GRM6: variants seen among roughly 807,000 people sequenced by gnomAD.
GRM6 encodes metabotropic glutamate receptor 6.
A neutral mutation model predicts 78.4 loss-of-function variants in GRM6; 73 were observed. The ratio of observed to expected loss-of-function variants is 0.93; its 90% CI spans 0.77 to 1.13. The LOEUF is 1.13. Ranked by LOEUF, GRM6 falls within the 50% of genes most tolerant of loss-of-function variation. GRM6 has a pLI of 0.00. For missense variants in GRM6, 1,251 were observed against 1,256.4 expected (o/e 1.00, Z 0.07); for synonymous variants, 580 against 555.0 (o/e 1.05, Z -0.63).
rs1561722249 is a variant in GRM6, at chr5:178,994,835, C to A, written c.110G>T (p.Gly37Val). 2.4e-6 allele frequency: 3 copies of A among 1,229,756 alleles called. No homozygotes were observed. Among genetic ancestry groups the A allele is most frequent in the Non-Finnish European group, 3.0e-6 (3 of 986,750 alleles). The allele number at this position is 1,229,756 out of a possible 1,614,324, so 76.2% of individuals were successfully genotyped here. The change falls in exon 2 of 11, where the codon GGC (glycine) becomes GTC (valine). Residue 37 changes from glycine (G) to valine (V), a missense_variant. Physicochemically the swap from Gly to Val is moderately radical, Grantham distance 109. Coordinates refer to ENST00000517717, the MANE Select transcript of GRM6 (RefSeq NM_000843.4). Reference sequence around the variant, plus strand: ...GAACAGGCCGCCCAGCGTCAGGCCGCCCGCCAGGCGCACAGAGCCCGCCGC... The same window carrying A: ...GAACAGGCCGCCCAGCGTCAGGCCGACCGCCAGGCGCACAGAGCCCGCCGC... ...ARAAGSVRLA[G>V]GLTLGGLFPV...
At position 178,994,417 on chromosome 5, in the gene GRM6, C is replaced by T. The variant is rs959131928; in HGVS notation, c.504+24G>A. On this transcript the variant is annotated intron_variant, in intron 2 of 10. Coordinates refer to ENST00000517717, the MANE Select transcript of GRM6 (RefSeq NM_000843.4). ...AGGACGGGAGAGGGACGCTGGACAC[C>T]GAGCCCGGCCCCGCGGCCCTCACCG... 1.1e-5 allele frequency: 17 copies of T among 1,485,900 alleles called. No homozygotes were observed. The South Asian group carries it at 1.8e-4, about 15-fold the overall frequency. The allele number at this position is 1,485,900 out of a possible 1,614,324, so 92.0% of individuals were successfully genotyped here.
In GRM6 at chr5:178,991,301, TG is replaced by T. The variant is rs77690756; in HGVS notation, c.857+122del. On this transcript the variant is annotated intron_variant, in intron 4 of 10. Coordinates refer to ENST00000517717, the MANE Select transcript of GRM6 (RefSeq NM_000843.4). This position sits in a 1 kb window ranked among gnomAD's most constrained non-coding sequence, Gnocchi z 5.0. Reference sequence around the variant, plus strand: ...GACTCAGAGGCAGCAGCAGGGAAGGTGGGGGGTGCGGGGAGCAGGGGAAAGG... The same window carrying T: ...GACTCAGAGGCAGCAGCAGGGAAGGTGGGGGTGCGGGGAGCAGGGGAAAGG... 1.2e-5 allele frequency: 11 copies of T among 946,552 alleles called. No individual in the cohort carries two copies. The highest frequency in any genetic ancestry group is 2.6e-5 in the South Asian group (2 of 77,260). The allele number at this position is 946,552 out of a possible 1,614,324, so 58.6% of individuals were successfully genotyped here.
chr5:178,989,337 A>T lies in GRM6; in HGVS notation c.1081T>A (p.Trp361Arg). 6.2e-7 allele frequency: 1 copy of T among 1,613,374 alleles called. No homozygotes were observed. The highest frequency in any genetic ancestry group is 1.1e-5 in the South Asian group (1 of 91,056). The change falls in exon 6 of 11, where the codon TGG becomes AGG. Residue 361 changes from tryptophan to arginine, a missense_variant. Coordinates refer to ENST00000517717, the MANE Select transcript of GRM6 (RefSeq NM_000843.4). ...NRRNIWFAEF[W>R]EENFNCKLTS... is the part of the protein sequence containing the mutation. ...AGTTTGCAGTTAAAATTCTCTTCCCAGAACTCGGCGAACCAGATGTTCCTG... is the reference window on the plus strand; with the variant it reads ...AGTTTGCAGTTAAAATTCTCTTCCCTGAACTCGGCGAACCAGATGTTCCTG...
In GRM6 at chr5:178,992,224, G is replaced by C; in HGVS notation, c.505-141C>G. Reference sequence around the variant, plus strand: ...GACACAGATGGGAGATGGAAGGGTTGGGGTGGGGACCTGGGGCCAGCTGGA... The same window carrying C: ...GACACAGATGGGAGATGGAAGGGTTCGGGTGGGGACCTGGGGCCAGCTGGA... On this transcript the variant is annotated intron_variant, in intron 2 of 10. Coordinates refer to ENST00000517717, the MANE Select transcript of GRM6 (RefSeq NM_000843.4). The surrounding 1 kb of genome is among the most constrained non-coding windows in gnomAD (Gnocchi z 4.9). 1.4e-6 allele frequency: 1 copy of C among 717,040 alleles called. No individual in the cohort carries two copies. Among genetic ancestry groups the C allele is most frequent in the Non-Finnish European group, 2.5e-6 (1 of 400,448 alleles). The allele number at this position is 717,040 out of a possible 1,614,324, so 44.4% of individuals were successfully genotyped here. A position where few individuals can be genotyped will look rare whatever the true frequency, so the allele number is the denominator to read the frequency against.
chr5:178,992,119 A>G lies in GRM6; in HGVS notation c.505-36T>C. On this transcript the variant is annotated intron_variant, in intron 2 of 10. Transcript: ENST00000517717. The surrounding 1 kb of genome is among the most constrained non-coding windows in gnomAD (Gnocchi z 4.9). ...GGAAGGACAGCTGGGCTGTGGATGG[A>G]GGTCAGTAACTCAAGAGAGGGAGGG... The G allele has an allele frequency of 1.4e-6, 2 of 1,478,672 alleles. No individual in the cohort carries two copies. The highest frequency in any genetic ancestry group is 1.1e-5 in the South Asian group (1 of 87,958). 91.6% of individuals were successfully genotyped at this position (1,478,672 alleles called of 1,614,324 possible). A position where few individuals can be genotyped will look rare whatever the true frequency, so the allele number is the denominator to read the frequency against.
intron 1 of GRM6, 103 bp from the exon 2 acceptor site, chr5:178,995,063 C>G: frequency 1.7e-6 from 1 of 573,936 alleles, no homozygotes; most frequent in Non-Finnish European, 2.3e-6. Context: ...AGAAGGCGCT[C>G]GGGGCGCGCC....
chr5:178,987,225 G>A (rs1404248702), intron 7 of GRM6: 2 of 659,894 alleles, frequency 3.0e-6, no homozygotes, highest in Non-Finnish European at 2.8e-6. Flanking sequence ...TGCACGGTGG[G>A]TGGGAAAAGG....
chr5:178,989,082 A>G lies in GRM6; in HGVS notation c.1207T>C (p.Phe403Leu), dbSNP rs1214316029. The G allele has an allele frequency of 4.3e-6, 7 of 1,613,954 alleles. No homozygotes were observed. Residue 403 changes from phenylalanine (F) to leucine (L), a missense_variant, in exon 7 of 11, where the codon TTT (phenylalanine) becomes CTT (leucine). Coordinates refer to ENST00000517717, the MANE Select transcript of GRM6 (RefSeq NM_000843.4). The part of the protein sequence containing the change: ...STYEQEGKVQ[F>L]VIDAVYAIAH... ...ATGGCGTACACCGCATCAATCACAAACTGCACCTTGCCCTCCTGCTCGTAG... is the reference window on the plus strand; with the variant it reads ...ATGGCGTACACCGCATCAATCACAAGCTGCACCTTGCCCTCCTGCTCGTAG...
chr5:178,991,529 A>C lies in GRM6; in HGVS notation c.752T>G (p.Ile251Ser). 1 of 1,613,774 alleles carries C rather than the reference A, an allele frequency of 6.2e-7. No individual in the cohort carries two copies. The highest frequency in any genetic ancestry group is 8.5e-7 in the Non-Finnish European group (1 of 1,179,872). ...GGVCIAQSIK[I>S]PREPKPGEFS... Reference sequence around the variant, plus strand: ...CTCTCCTGGCTTTGGTTCCCTGGGAATCTTGATAGACTGGGCAATACAGAC... The same window carrying C: ...CTCTCCTGGCTTTGGTTCCCTGGGACTCTTGATAGACTGGGCAATACAGAC... The change falls in exon 4 of 11, where the codon ATT (isoleucine) becomes AGT (serine). Residue 251 changes from isoleucine (I) to serine (S), a missense_variant. By Grantham distance (142) the Ile-to-Ser change is moderately radical (BLOSUM62 -2). Coordinates refer to ENST00000517717, the MANE Select transcript of GRM6 (RefSeq NM_000843.4). The surrounding 1 kb of genome is among the most constrained non-coding windows in gnomAD (Gnocchi z 5.0).
At position 178,992,190 on chromosome 5, in the gene GRM6, T is replaced by G. The variant is rs751500787; in HGVS notation, c.505-107A>C. 1 of 773,462 alleles carries G rather than the reference T, an allele frequency of 1.3e-6. No homozygotes were observed. Among genetic ancestry groups the G allele is most frequent in the Non-Finnish European group, 2.2e-6 (1 of 450,634 alleles). The allele number at this position is 773,462 out of a possible 1,614,324, so 47.9% of individuals were successfully genotyped here. On this transcript the variant is annotated intron_variant, in intron 2 of 10. Coordinates refer to ENST00000517717, the MANE Select transcript of GRM6 (RefSeq NM_000843.4). The surrounding 1 kb of genome is among the most constrained non-coding windows in gnomAD (Gnocchi z 4.9). Reference sequence around the variant, plus strand: ...GACGGGGCACAGAAGGTGTGTGGCATGGACCTGGGACACAGATGGGAGATG... The same window carrying G: ...GACGGGGCACAGAAGGTGTGTGGCAGGGACCTGGGACACAGATGGGAGATG...
chr5:178,985,626 C>A (rs551412701), intron 9 of GRM6: 107 of 369,242 alleles, frequency 2.9e-4, no homozygotes, highest in African/African-American at 2.2e-3. Context: ...TGGCGTGAAC[C>A]CGGAAGGCAG....
chr5:178,991,378 C>A lies in GRM6; in HGVS notation c.857+46G>T. 6.3e-7 allele frequency: 1 copy of A among 1,584,664 alleles called. No individual in the cohort carries two copies. The highest frequency in any genetic ancestry group is 2.2e-5 in the East Asian group (1 of 44,698). ...CGATGTGCAAGAGGAGGGGTGGGACCCTCAGGGAGAGCCCCAGGGGCCCGG... is the reference window on the plus strand; with the variant it reads ...CGATGTGCAAGAGGAGGGGTGGGACACTCAGGGAGAGCCCCAGGGGCCCGG... On this transcript the variant is annotated intron_variant, in intron 4 of 10. Transcript: ENST00000517717. The surrounding 1 kb of genome is among the most constrained non-coding windows in gnomAD (Gnocchi z 5.0).
rs774508683 is a variant in GRM6, at chr5:178,988,726, C to T, written c.1354+209G>A. Among the ~76,000 whole-genome samples the T allele has an allele frequency of 2.0e-5, 3 of 152,190 alleles. No homozygotes were observed. The highest frequency in any genetic ancestry group is 7.2e-5 in the African/African-American group (3 of 41,438). On this transcript the variant is annotated intron_variant, in intron 7 of 10. Transcript: ENST00000517717. This position sits in a 1 kb window ranked among gnomAD's most constrained non-coding sequence, Gnocchi z 6.0. Reference sequence around the variant, plus strand: ...CCAGCATCTGAACTGTGCAAACCAGCGCAGGGAACACTGAAGCCTGGGGAG... The same window carrying T: ...CCAGCATCTGAACTGTGCAAACCAGTGCAGGGAACACTGAAGCCTGGGGAG...
At position 178,991,299 on chromosome 5, in the gene GRM6, G is replaced by A; in HGVS notation, c.857+125C>T. 2 of 931,038 alleles carry A rather than the reference G, an allele frequency of 2.1e-6. No homozygotes were observed. The highest frequency in any genetic ancestry group is 3.0e-4 in the Middle Eastern group (1 of 3,300). 57.7% of individuals were successfully genotyped at this position (931,038 alleles called of 1,614,324 possible). On this transcript the variant is annotated intron_variant, in intron 4 of 10. Transcript: ENST00000517717. This position sits in a 1 kb window ranked among gnomAD's most constrained non-coding sequence, Gnocchi z 5.0. Reference sequence around the variant, plus strand: ...CAGACTCAGAGGCAGCAGCAGGGAAGGTGGGGGGTGCGGGGAGCAGGGGAA... The same window carrying A: ...CAGACTCAGAGGCAGCAGCAGGGAAAGTGGGGGGTGCGGGGAGCAGGGGAA...
At chr5:178,984,999 G>A (rs1409293016) in intron 9 of GRM6, among the ~76,000 whole-genome samples, 18 of 152,078 alleles carry the variant, frequency 1.2e-4, no homozygotes, top group African/African-American at 4.1e-4. Flanking sequence ...TTGTCTCCAA[G>A]GCTGTAATAA....
Position 178,986,213 on chromosome 5 carries a change from G to A in GRM6, c.2041C>T (p.Gln681Ter), listed in dbSNP as rs769355168. ...KTNRIYRIFE[Q>*]GKRSVTPPPF... The stretch of plus-strand genomic sequence containing the variant: ...GGGGGTGTGACCGAGCGCTTGCCCT[G>A]CTCAAAGATGCGGTAGATACGGTTG... Residue 681 changes from glutamine (Q) to a stop codon, truncating the protein, a stop_gained, in exon 9 of 11, where the codon CAG (glutamine) becomes TAG (stop). Coordinates refer to ENST00000517717, the MANE Select transcript of GRM6 (RefSeq NM_000843.4). LOFTEE classifies it high-confidence loss of function. 3.7e-6 allele frequency: 6 copies of A among 1,613,998 alleles called. No individual in the cohort carries two copies. The highest frequency in any genetic ancestry group is 5.1e-6 in the Non-Finnish European group (6 of 1,180,006).
In GRM6 at chr5:178,991,460, C is replaced by T. The variant is rs777209437; in HGVS notation, c.821G>A (p.Arg274Gln). The change falls in exon 4 of 11, where the codon CGG (arginine) becomes CAG (glutamine). Residue 274 changes from arginine (R) to glutamine (Q), a missense_variant. Transcript: ENST00000517717. This position sits in a 1 kb window ranked among gnomAD's most constrained non-coding sequence, Gnocchi z 5.0. The part of the protein sequence containing the change: ...IRRLMETPNA[R>Q]GIIIFANEDD... ...CTCATTGGCAAAGATGATGATGCCCCGGGCGTTGGGCGTCTCCATGAGTCT... is the reference window on the plus strand; with the variant it reads ...CTCATTGGCAAAGATGATGATGCCCTGGGCGTTGGGCGTCTCCATGAGTCT... 115 of 1,613,768 alleles carry T rather than the reference C, an allele frequency of 7.1e-5. 1 individual carries two copies. Among genetic ancestry groups the T allele is most frequent in the South Asian group, 6.5e-4 (59 of 91,082 alleles).
Position 178,981,997 on chromosome 5 carries a change from G to C in GRM6, c.2437-143C>G. 1.3e-6 allele frequency: 1 copy of C among 751,410 alleles called. No individual in the cohort carries two copies. The allele number at this position is 751,410 out of a possible 1,614,324, so 46.5% of individuals were successfully genotyped here. On this transcript the variant is annotated intron_variant, in intron 10 of 10. Transcript: ENST00000517717. This position sits in a 1 kb window ranked among gnomAD's most constrained non-coding sequence, Gnocchi z 5.1. ...AGCACTTAGACCAGGACAACAGTAT[G>C]AGCAGGGGCCCCGCGCCTGAGGGGC...
intron 9 of GRM6, among the ~76,000 whole-genome samples, chr5:178,984,602 A>G (rs1760472184): frequency 6.6e-6 from 1 of 152,042 alleles, no homozygotes; most frequent in African/African-American, 2.4e-5. Context: ...AAGCATCTCC[A>G]CCTGAGGGTG....
Sources: allele counts gnomAD v4.1 joint callset (sites outside exome capture counted in the v4.1 genomes callset), GRCh38; gene constraint gnomAD v4.1.1; non-coding constraint Gnocchi (gnomAD v3.1); transcripts MANE v1.5; gene names NCBI Gene and HGNC (gene_info 2026-07-23, HGNC 2026-07-21).